Variants in CDK19 observed in about 807,000 individuals in gnomAD.
CDK19 encodes the protein cyclin-dependent kinase 19.
Under a neutral mutation model 68.3 loss-of-function variants are expected in CDK19, and 20 were observed. That is an observed-to-expected ratio of 0.29 (90% confidence interval 0.21 to 0.43). The LOEUF is 0.43. Among genes scored for constraint, CDK19 ranks in the 20% least tolerant of loss-of-function variants. The pLI, the probability that CDK19 is intolerant of heterozygous loss-of-function variation, is 1.00. For synonymous variants in CDK19, 221 were observed against 222.8 expected (o/e 0.99, Z 0.07); for missense variants, 339 against 623.5 (o/e 0.54, Z 4.86).
At chr6:110,761,290 C>A (rs1779214170) in intron 1 of CDK19, among the ~76,000 whole-genome samples, 1 of 152,130 alleles carries the variant, frequency 6.6e-6, no homozygotes, top group Admixed American at 6.6e-5. Flanking sequence ...GAAGATAGCA[C>A]AGGCAACTGG....
At chr6:110,636,896 C>T (rs542573117) in intron 5 of CDK19, among the ~76,000 whole-genome samples, 3 of 152,194 alleles carry the variant, frequency 2.0e-5, no homozygotes, top group Non-Finnish European at 4.4e-5. Flanking sequence ...CTAGGAAGGG[C>T]ACTAGTAGAT....
chr6:110,759,215 A>G (rs1426942776), intron 1 of CDK19, among the ~76,000 whole-genome samples: 2 of 150,746 alleles, frequency 1.3e-5, no homozygotes, highest in African/African-American at 4.9e-5. Context: ...TCTGGCTAAC[A>G]CGGTGAAACC....
At chr6:110,812,756 C>A (rs1217469141) in intron 1 of CDK19, among the ~76,000 whole-genome samples, 1 of 149,904 alleles carries the variant, frequency 6.7e-6, no homozygotes, top group African/African-American at 2.5e-5. Context: ...CTGTAATCTA[C>A]CATGATCGGA....
Position 110,614,574 on chromosome 6 carries a change from G to A in CDK19, c.1470C>T (p.Ser490=). Residue 490 remains serine (S), a synonymous_variant, in exon 13 of 13, where the codon AGC becomes AGT. Coordinates refer to ENST00000368911, the MANE Select transcript of CDK19 (RefSeq NM_015076.5). The part of the protein sequence containing the change: ...TLGYSSSSQQ[S]SQYHPSHQAH... ...CCTGGTGAGATGGGTGGTACTGTGA[G>A]CTCTGCTGAGACGAGGAAGAGTAGC... 2 of 1,614,072 alleles carry A rather than the reference G, an allele frequency of 1.2e-6. No individual in the cohort carries two copies. The highest frequency in any genetic ancestry group is 1.7e-5 in the Admixed American group (1 of 60,020).
intron 4 of CDK19, among the ~76,000 whole-genome samples, chr6:110,662,007 T>C (rs1010946310): frequency 1.3e-5 from 2 of 152,194 alleles, no homozygotes; most frequent in Non-Finnish European, 2.9e-5. Flanking sequence ...TCTCGCTCTA[T>C]TGCCTAGGCT....
At chr6:110,814,226 T>G in intron 1 of CDK19, 1 of 259,074 alleles carries the variant, frequency 3.9e-6, no homozygotes, top group South Asian at 3.5e-5. Flanking sequence ...TGGCAGAGGA[T>G]GGAGTGGAGG....
intron 2 of CDK19, among the ~76,000 whole-genome samples, chr6:110,689,309 C>T (rs1460525760): frequency 6.6e-6 from 1 of 152,112 alleles, no homozygotes; most frequent in Non-Finnish European, 1.5e-5. Flanking sequence ...CTGGCTTTGC[C>T]CCTCCACCCA....
At chr6:110,775,699 T>G (rs180902062) in intron 1 of CDK19, among the ~76,000 whole-genome samples, 3 of 152,330 alleles carry the variant, frequency 2.0e-5, no homozygotes, top group Admixed American at 1.3e-4. Flanking sequence ...ATAGCTGATG[T>G]ATGAGAAAAA....
Position 110,740,706 on chromosome 6 carries a change from T to C in CDK19, c.204+5420A>G, listed in dbSNP as rs9398245. Among the ~76,000 whole-genome samples, 3,336 of 152,244 alleles carry C rather than the reference T, an allele frequency of 0.022. 364 individuals are homozygous for C. In the East Asian group the frequency reaches 0.35, roughly 16 times the overall value. ...TGAGTGAAATGTTCATTCCTAATTA[T>C]TTCCGCCTTAAAATCCTCTCAGCTA... On this transcript the variant is annotated intron_variant, in intron 2 of 12. Transcript: ENST00000368911.
chr6:110,651,517 G>A (rs1780971509), intron 4 of CDK19, among the ~76,000 whole-genome samples: 1 of 152,172 alleles, frequency 6.6e-6, no homozygotes, highest in South Asian at 2.1e-4. Context: ...CAGATTGCTT[G>A]CGCTCAGGAG....
intron 4 of CDK19, among the ~76,000 whole-genome samples, chr6:110,647,605 T>C (rs1315194543): frequency 6.6e-6 from 1 of 152,180 alleles, no homozygotes; most frequent in Non-Finnish European, 1.5e-5. Flanking sequence ...CACAATGAAT[T>C]AGAAAAACTG....
At chr6:110,712,792 G>A (rs1320160066) in intron 2 of CDK19, among the ~76,000 whole-genome samples, 2 of 152,164 alleles carry the variant, frequency 1.3e-5, no homozygotes, top group East Asian at 3.8e-4. Flanking sequence ...AGTGCCAATA[G>A]AACAGAATAA....
intron 1 of CDK19, among the ~76,000 whole-genome samples, chr6:110,752,507 T>C (rs544430560): frequency 6.6e-6 from 1 of 152,324 alleles, no homozygotes; most frequent in Admixed American, 6.5e-5. Flanking sequence ...TGTCAGATAA[T>C]ACTAGCACAC....
At chr6:110,790,262 A>G (rs1311081019) in intron 1 of CDK19, among the ~76,000 whole-genome samples, 2 of 152,176 alleles carry the variant, frequency 1.3e-5, no homozygotes, top group African/African-American at 2.4e-5. Context: ...TAGGCTGGTC[A>G]TGGTGGCTCA....
At position 110,613,899 on chromosome 6, in the gene CDK19, C is replaced by A. The variant is rs1047765283; in HGVS notation, c.*636G>T. 1 of 152,602 alleles carries A rather than the reference C, an allele frequency of 6.6e-6. No homozygotes were observed. The highest frequency in any genetic ancestry group is 1.5e-5 in the Non-Finnish European group (1 of 68,026). 9.5% of individuals were successfully genotyped at this position (152,602 alleles called of 1,614,324 possible). A position where few individuals can be genotyped will look rare whatever the true frequency, so the allele number is the denominator to read the frequency against. ...CTTCGTGGCATAAAGCACATAACTG[C>A]AAAGATCTAGGCAGTTTTTGGTTGT... On this transcript the variant is annotated 3_prime_UTR_variant, in exon 13 of 13. Transcript: ENST00000368911.
At chr6:110,622,510 T>G (rs1201219108) in intron 10 of CDK19, among the ~76,000 whole-genome samples, 1 of 152,236 alleles carries the variant, frequency 6.6e-6, no homozygotes, top group Admixed American at 6.5e-5. Context: ...ACAGATTAAC[T>G]TCTGTTGCCT....
intron 2 of CDK19, among the ~76,000 whole-genome samples, chr6:110,710,762 C>T (rs2114688075): frequency 6.6e-6 from 1 of 152,272 alleles, no homozygotes; most frequent in Middle Eastern, 3.4e-3. Flanking sequence ...CCAAAGGCTT[C>T]ACCTCCTAAT....
At chr6:110,618,841 T>C (rs559388501) in intron 12 of CDK19, among the ~76,000 whole-genome samples, 25 of 152,314 alleles carry the variant, frequency 1.6e-4, no homozygotes, top group African/African-American at 5.8e-4. Flanking sequence ...TGCTATGCTG[T>C]CTGTTGCAAC....
At chr6:110,724,160 C>A (rs974024099) in intron 2 of CDK19, among the ~76,000 whole-genome samples, 1 of 152,102 alleles carries the variant, frequency 6.6e-6, no homozygotes, top group Non-Finnish European at 1.5e-5. Context: ...TCGAGACCAG[C>A]CTGACCAACA....
Sources: gnomAD v4.1 joint callset for allele counts (sites outside exome capture counted in the v4.1 genomes callset) on GRCh38, gnomAD v4.1.1 for gene constraint, MANE v1.5 for transcripts, NCBI Gene and HGNC (gene_info 2026-07-23, HGNC 2026-07-21) for gene names.